GRK5: variants seen among roughly 807,000 people sequenced by gnomAD.
GRK5 encodes the protein g protein-coupled receptor kinase GRK5.
GRK5 carries 40 observed loss-of-function variants against 78.4 expected under a neutral mutation model. The observed-to-expected ratio is 0.51, with a 90% CI of 0.40 to 0.66. The LOEUF (loss-of-function observed/expected upper bound fraction) is 0.66, where lower values mean the gene tolerates loss of function less well. Among genes scored for constraint, GRK5 ranks in the 30% least tolerant of loss-of-function variants. The pLI, the probability that GRK5 is intolerant of heterozygous loss-of-function variation, is 0.00. For missense variants in GRK5, 598 were observed against 759.9 expected (o/e 0.79, Z 2.50); for synonymous variants, 289 against 296.8 (o/e 0.97, Z 0.27).
At chr10:119,359,888 G>A (rs111275893) in intron 2 of GRK5, among the ~76,000 whole-genome samples, 288 of 152,246 alleles carry the variant, frequency 1.9e-3, no homozygotes, top group African/African-American at 6.7e-3. Context: ...TTCAGGTCCT[G>A]AGTGAGGTCG....
intron 4 of GRK5, among the ~76,000 whole-genome samples, chr10:119,403,034 G>A (rs1427558364): frequency 6.6e-6 from 1 of 152,126 alleles, no homozygotes. Flanking sequence ...AGAAACTGTT[G>A]TACCTGTTAG....
rs1354587783 is a variant in GRK5 at position 119,253,299 on chromosome 10, T to A, written c.52+45330T>A. ...GGAGCATCTGTGAACTATCTCCAGT[T>A]CAGCATTGCATTAGAAAAGGAATTA... On this transcript the variant is annotated intron_variant, in intron 1 of 15. Transcript: ENST00000392870. This position sits in a 1 kb window ranked among gnomAD's most constrained non-coding sequence, Gnocchi z 5.7. 1.3e-5 allele frequency among the ~76,000 whole-genome samples: 2 copies of A among 152,172 alleles called. No individual in the cohort carries two copies. Among genetic ancestry groups the A allele is most frequent in the Non-Finnish European group, 2.9e-5 (2 of 68,030 alleles).
At chr10:119,451,606 G>A (rs1853288985) in intron 13 of GRK5, among the ~76,000 whole-genome samples, 1 of 152,226 alleles carries the variant, frequency 6.6e-6, no homozygotes. Flanking sequence ...CCGGGCTTTG[G>A]GAACTAGAGA....
chr10:119,394,117 TGTGTGTGTGTGTGTGG>T (rs1851938136), intron 3 of GRK5, among the ~76,000 whole-genome samples: 2 of 3,328 alleles, frequency 6.0e-4, no homozygotes, highest in African/African-American at 2.2e-3. Context: ...GTGTGGGGGG[TGTGTGTGTGTGTGTGG>T]GTATCTGTGG....
At chr10:119,453,323 C>G in intron 15 of GRK5, 47 bp downstream of exon 15, 5 of 1,609,022 alleles carry the variant, frequency 3.1e-6, no homozygotes, top group Admixed American at 1.7e-5. Flanking sequence ...TCCGAGACCC[C>G]TGGCTCACTT....
chr10:119,337,892 G>A (rs1850919394), intron 2 of GRK5, among the ~76,000 whole-genome samples: 1 of 152,158 alleles, frequency 6.6e-6, no homozygotes, highest in African/African-American at 2.4e-5. Flanking sequence ...ATAGTATTGG[G>A]AGTACAGGCG....
At chr10:119,363,742 GTTACTCAGAACTAAC>G (rs1456341809) in intron 2 of GRK5, among the ~76,000 whole-genome samples, 1 of 152,216 alleles carries the variant, frequency 6.6e-6, no homozygotes, top group Non-Finnish European at 1.5e-5. Context: ...CTTTAAGGGT[GTTACTCAGAACTAAC>G]TTGGATCTGT....
chr10:119,411,887 G>A (rs1356498930), intron 4 of GRK5, among the ~76,000 whole-genome samples: 2 of 115,900 alleles, frequency 1.7e-5, no homozygotes, highest in South Asian at 2.9e-4. Context: ...GTCTTGCTCT[G>A]TCGCCCAGTC....
At chr10:119,429,072 T>C (rs1342443114) in intron 6 of GRK5, among the ~76,000 whole-genome samples, 1 of 152,182 alleles carries the variant, frequency 6.6e-6, no homozygotes, top group African/African-American at 2.4e-5. Flanking sequence ...GCTCTTCCCT[T>C]TGGCTGTCCA....
intron 4 of GRK5, among the ~76,000 whole-genome samples, chr10:119,410,105 G>A (rs1263749952): frequency 6.6e-6 from 1 of 152,262 alleles, no homozygotes; most frequent in East Asian, 1.9e-4. Context: ...TTGGGCCTGC[G>A]GGTCACGACC....
intron 3 of GRK5, among the ~76,000 whole-genome samples, chr10:119,394,804 G>GGT (rs565278507): frequency 8.5e-6 from 1 of 117,444 alleles, no homozygotes; most frequent in African/African-American, 3.7e-5. Flanking sequence ...TGGGTGTGTG[G>GGT]GTGTGTGTGT....
intron 2 of GRK5, among the ~76,000 whole-genome samples, chr10:119,341,954 G>T (rs1850989786): frequency 6.6e-6 from 1 of 152,154 alleles, no homozygotes; most frequent in Non-Finnish European, 1.5e-5. Context: ...CCCGCCAAGG[G>T]CAGTGACCCC....
At chr10:119,328,176 C>T (rs1010955190) in intron 2 of GRK5, among the ~76,000 whole-genome samples, 15 of 152,208 alleles carry the variant, frequency 9.9e-5, no homozygotes, top group East Asian at 1.9e-4. Flanking sequence ...ACAGACACCA[C>T]GGTGCCGTGG....
rs183070911 is a variant in GRK5, at chr10:119,398,784, G to A, written c.339+2012G>A. Among the ~76,000 whole-genome samples the A allele has an allele frequency of 2.1e-3, 327 of 152,356 alleles. 4 individuals carry two copies. Among genetic ancestry groups the A allele is most frequent in the African/African-American group, 6.9e-3 (288 of 41,596 alleles). ...GGAGCTAGAATTTGAACCCAAGTCT[G>A]GGTGATTCTAGAGCCCTGAGTGTTT... On this transcript the variant is annotated intron_variant, in intron 4 of 15. Coordinates refer to ENST00000392870, the MANE Select transcript of GRK5 (RefSeq NM_005308.3).
chr10:119,345,008 T>G (rs1366765865), intron 2 of GRK5, among the ~76,000 whole-genome samples: 4 of 146,036 alleles, frequency 2.7e-5, no homozygotes, highest in Admixed American at 1.4e-4. Context: ...TCGCTCTGTC[T>G]CCCAGGCTGG....
intron 2 of GRK5, among the ~76,000 whole-genome samples, chr10:119,345,639 A>G (rs1458262327): frequency 1.3e-5 from 2 of 152,068 alleles, no homozygotes. Context: ...TGAAGTCGTG[A>G]AACTTGACAC....
chr10:119,344,362 A>G (rs1486263365), intron 2 of GRK5, among the ~76,000 whole-genome samples: 1 of 151,902 alleles, frequency 6.6e-6, no homozygotes, highest in Non-Finnish European at 1.5e-5. Context: ...CTGGTGTGTG[A>G]TGTTCCCCAT....
rs560197797 is a variant in GRK5, at chr10:119,421,403, G to C, written c.340-1763G>C. 8.5e-5 allele frequency among the ~76,000 whole-genome samples: 13 copies of C among 152,338 alleles called. No individual in the cohort carries two copies. In the Middle Eastern group the frequency reaches 0.01, roughly 120 times the overall value. On this transcript the variant is annotated intron_variant, in intron 4 of 15. Coordinates refer to ENST00000392870, the MANE Select transcript of GRK5 (RefSeq NM_005308.3). ...TCAAAGGACCCTTCAGGCATCTCTG[G>C]AGCAGCTCCTTCCTGTTTCAGAGGG...
chr10:119,294,016 A>G (rs927765591), intron 1 of GRK5, among the ~76,000 whole-genome samples: 8 of 151,998 alleles, frequency 5.3e-5, no homozygotes, highest in Non-Finnish European at 1.0e-4. Flanking sequence ...GGAGTTGGGG[A>G]AAAACAGAGA....
Sources: gnomAD v4.1 joint callset for allele counts (sites outside exome capture counted in the v4.1 genomes callset) on GRCh38, gnomAD v4.1.1 for gene constraint, Gnocchi (gnomAD v3.1) non-coding constraint, MANE v1.5 for transcripts, NCBI Gene and HGNC (gene_info 2026-07-23, HGNC 2026-07-21) for gene names.